BPTF: variants seen among roughly 807,000 people sequenced by gnomAD.
BPTF encodes nucleosome-remodeling factor subunit BPTF.
Under a neutral mutation model 292.5 loss-of-function variants are expected in BPTF, and 18 were observed. The observed-to-expected ratio is 0.06, with a 90% confidence interval of 0.04 to 0.09. The LOEUF is 0.09. Among genes scored for constraint, BPTF ranks in the 10% least tolerant of loss-of-function variants. BPTF has a pLI of 1.00. For missense variants in BPTF, 2,726 were observed against 3,498.7 expected (o/e 0.78, Z 5.57); for synonymous variants, 1,225 against 1,251.9 (o/e 0.98, Z 0.45).
chr17:67,908,491 CTTT>C (rs34537462), intron 9 of BPTF, among the ~76,000 whole-genome samples: 1,056 of 97,568 alleles, frequency 0.011, 13 homozygotes, highest in African/African-American at 0.036. Flanking sequence ...TCACTGACCA[CTTT>C]TTTTTTTTTT....
Position 67,913,140 on chromosome 17 carries a change from T to C in BPTF, c.5256T>C (p.Asp1752=). 1 of 1,613,950 alleles carries C rather than the reference T, an allele frequency of 6.2e-7. No homozygotes were observed. The highest frequency in any genetic ancestry group is 8.5e-7 in the Non-Finnish European group (1 of 1,179,936). The change falls in exon 11 of 28, where the codon GAT becomes GAC. Residue 1752 remains aspartate, a synonymous_variant. Coordinates refer to ENST00000306378, the MANE Select transcript of BPTF (RefSeq NM_182641.4). ...YFNYNAKPAL[D]IWPYPSPRPT... ...ATTACAATGCAAAACCTGCTTTGGA[T>C]ATATGGCCATATCCTTCTCCTAGAC...
chr17:67,866,449 C>G lies in BPTF; in HGVS notation c.1437-15C>G, dbSNP rs2145467233. On this transcript the variant is annotated splice_polypyrimidine_tract_variant and intron_variant, in intron 2 of 27. Coordinates refer to ENST00000306378, the MANE Select transcript of BPTF (RefSeq NM_182641.4). ...ATGTCTAACATATAAAGTATTTCCC[C>G]CCATTTTTAAACAGAGAAGAAGATA... The G allele has an allele frequency of 3.2e-6, 5 of 1,556,506 alleles. No homozygotes were observed. The highest frequency in any genetic ancestry group is 4.4e-6 in the Non-Finnish European group (5 of 1,128,584).
intron 18 of BPTF, 125 bp from the exon 19 acceptor site, chr17:67,940,314 C>G: frequency 1.1e-6 from 1 of 891,730 alleles, no homozygotes; most frequent in Non-Finnish European, 1.7e-6. Context: ...TATCCTTAGG[C>G]TCTGAATATC....
At chr17:67,889,541 C>T (rs2060968684) in intron 4 of BPTF, among the ~76,000 whole-genome samples, 1 of 152,180 alleles carries the variant, frequency 6.6e-6, no homozygotes, top group South Asian at 2.1e-4. Flanking sequence ...GGCGCAGTGG[C>T]TCACGCCTGT....
At chr17:67,857,272 C>A (rs143213329) in intron 2 of BPTF, among the ~76,000 whole-genome samples, 346 of 150,454 alleles carry the variant, frequency 2.3e-3, no homozygotes, top group African/African-American at 8.1e-3. Flanking sequence ...CACCATTCTC[C>A]TGCCTCAACC....
intron 1 of BPTF, among the ~76,000 whole-genome samples, chr17:67,837,649 A>G (rs537681777): frequency 5.9e-5 from 9 of 152,268 alleles, no homozygotes; most frequent in African/African-American, 1.9e-4. Context: ...ACCTCAGGCA[A>G]TCTGCCCACC....
chr17:67,938,725 A>G, intron 18 of BPTF, among the ~76,000 whole-genome samples: 1 of 152,248 alleles, frequency 6.6e-6, no homozygotes, highest in Non-Finnish European at 1.5e-5. Context: ...ACAAGCAATA[A>G]TTAAAGCCAA....
At chr17:67,844,711 C>T (rs1208221412) in intron 1 of BPTF, among the ~76,000 whole-genome samples, 2 of 151,914 alleles carry the variant, frequency 1.3e-5, no homozygotes, top group Admixed American at 1.3e-4. Flanking sequence ...TGTTGCCTTA[C>T]AGTATGTCTC....
intron 2 of BPTF, among the ~76,000 whole-genome samples, chr17:67,859,798 C>A (rs2058966131): frequency 6.6e-6 from 1 of 152,082 alleles, no homozygotes; most frequent in Non-Finnish European, 1.5e-5. Context: ...AACTAAGTGG[C>A]AATTTCAGAA....
chr17:67,958,412 C>T (rs2067150620), intron 23 of BPTF, among the ~76,000 whole-genome samples: 1 of 152,070 alleles, frequency 6.6e-6, no homozygotes, highest in South Asian at 2.1e-4. Flanking sequence ...GTCCTCACTG[C>T]TCATTAAAAC....
At chr17:67,845,976 A>G (rs1196679178) in intron 1 of BPTF, among the ~76,000 whole-genome samples, 1 of 152,110 alleles carries the variant, frequency 6.6e-6, no homozygotes, top group Non-Finnish European at 1.5e-5. Flanking sequence ...TTCAAAGGCT[A>G]AAAGACATTA....
chr17:67,870,252 C>A lies in BPTF; in HGVS notation c.1660+3565C>A, dbSNP rs1327421323. ...CCAAAAATGACATAAATATTTTTTT[C>A]TTTCTTTCCTTTTTTTTTTTTTTTC... On this transcript the variant is annotated intron_variant, in intron 3 of 27. Coordinates refer to ENST00000306378, the MANE Select transcript of BPTF (RefSeq NM_182641.4). Among the ~76,000 whole-genome samples the A allele has an allele frequency of 3.4e-5, 5 of 145,670 alleles. No homozygotes were observed. In the East Asian group the frequency reaches 9.9e-4, roughly 29 times the overall value.
At chr17:67,851,372 C>A (rs1484838677) in intron 1 of BPTF, among the ~76,000 whole-genome samples, 1 of 151,770 alleles carries the variant, frequency 6.6e-6, no homozygotes, top group Non-Finnish European at 1.5e-5. Flanking sequence ...GCTCACACAA[C>A]CTTTTCCAAG....
rs1402477542 is a variant in BPTF at position 67,911,740 on chromosome 17, A to G, written c.3856A>G (p.Asn1286Asp). 3.1e-6 allele frequency: 5 copies of G among 1,614,090 alleles called. 1 individual carries two copies. The highest frequency in any genetic ancestry group is 2.7e-5 in the African/African-American group (2 of 74,944). ...AAAACTGGGATGTGACTCTGAATCTAATAGCACTTTGGAAAATAGTTCTGA... is the reference window on the plus strand; with the variant it reads ...AAAACTGGGATGTGACTCTGAATCTGATAGCACTTTGGAAAATAGTTCTGA... ...EGKLGCDSES[N>D]STLENSSDTV... The change falls in exon 11 of 28, where the codon AAT becomes GAT. Residue 1286 changes from asparagine (N) to aspartate (D), a missense_variant. Around this residue, in one of 22 missense-constraint regions of BPTF, gnomAD observed 713 missense variants for 714.9 expected, o/e 1.00. Transcript: ENST00000306378.
rs1458417568 is a variant in BPTF, at chr17:67,982,830, T to C, written c.*542T>C. On this transcript the variant is annotated 3_prime_UTR_variant, in exon 28 of 28. Transcript: ENST00000306378. ...AAAAGTACAAGACGACCTCTAGATG[T>C]CTTTTCTTTCTATGAAAGGAGCTGC... 1.3e-5 allele frequency: 2 copies of C among 152,960 alleles called. No homozygotes were observed. Among genetic ancestry groups the C allele is most frequent in the African/African-American group, 4.8e-5 (2 of 41,566 alleles). 9.5% of individuals were successfully genotyped at this position (152,960 alleles called of 1,614,324 possible). A position where few individuals can be genotyped will look rare whatever the true frequency, so the allele number is the denominator to read the frequency against.
Position 67,945,717 on chromosome 17 carries a change from G to A in BPTF, c.7009G>A (p.Gly2337Arg), listed in dbSNP as rs782789451. Reference sequence around the variant, plus strand: ...GTCTCAGCCTCAAAGTAATGTCCAAGGACAGTCTCCTGTTCGTGTCCAAAG... The same window carrying A: ...GTCTCAGCCTCAAAGTAATGTCCAAAGACAGTCTCCTGTTCGTGTCCAAAG... ...AQSQPQSNVQ[G>R]QSPVRVQSPS... Residue 2337 changes from glycine to arginine, a missense_variant, in exon 21 of 28, where the codon GGA becomes AGA. Around this residue, in one of 22 missense-constraint regions of BPTF, gnomAD observed 570 missense variants for 633.5 expected, o/e 0.90. Transcript: ENST00000306378. The A allele has an allele frequency of 2.7e-5, 44 of 1,614,128 alleles. No individual in the cohort carries two copies. The South Asian group carries it at 3.8e-4, about 14-fold the overall frequency.
At position 67,945,569 on chromosome 17, in the gene BPTF, C is replaced by T. The variant is rs371954848; in HGVS notation, c.6861C>T (p.Ser2287=). 6.2e-7 allele frequency: 1 copy of T among 1,610,960 alleles called. No individual in the cohort carries two copies. Among genetic ancestry groups the T allele is most frequent in the Non-Finnish European group, 8.5e-7 (1 of 1,178,498 alleles). The change falls in exon 21 of 28, where the codon TCC becomes TCT. Residue 2287 remains serine, a synonymous_variant. Coordinates refer to ENST00000306378, the MANE Select transcript of BPTF (RefSeq NM_182641.4). The part of the protein sequence containing the change: ...AQPQPQTQPQ[S]PAQPEVQTQP... ...CCCAGCCCCAAACCCAGCCCCAGTC[C>T]CCAGCTCAGCCTGAAGTTCAGACTC...
intron 20 of BPTF, among the ~76,000 whole-genome samples, chr17:67,944,789 T>C (rs2065669198): frequency 6.6e-6 from 1 of 152,096 alleles, no homozygotes; most frequent in African/African-American, 2.4e-5. Flanking sequence ...TGTAACTAAC[T>C]ACCACCACAT....
At chr17:67,927,926 C>G (rs1227807987) in intron 15 of BPTF, among the ~76,000 whole-genome samples, 4 of 151,930 alleles carry the variant, frequency 2.6e-5, no homozygotes, top group African/African-American at 9.7e-5. Flanking sequence ...CTCTGTCACC[C>G]AGGCTGGAGT....
Sources: gnomAD v4.1 joint callset for allele counts (sites outside exome capture counted in the v4.1 genomes callset) on GRCh38, gnomAD v4.1.1 for gene constraint, gnomAD v4.1.1 regional missense constraint, MANE v1.5 for transcripts, NCBI Gene and HGNC (gene_info 2026-07-23, HGNC 2026-07-21) for gene names.